The following TMEM245 variants were observed in gnomAD, a reference collection of about 807,000 sequenced individuals.
The protein encoded by TMEM245 is protein CG-2.
In TMEM245, 69 loss-of-function variants were observed where a neutral mutation model predicts 101.2. That is an observed-to-expected ratio of 0.68 (90% confidence interval 0.56 to 0.83). TMEM245 has a LOEUF of 0.83. Ranked by LOEUF, TMEM245 falls within the 40% of genes least tolerant of loss-of-function variation. TMEM245 has a pLI of 0.00. For missense variants in TMEM245, 1,075 were observed against 1,092.8 expected, an observed-to-expected ratio of 0.98 and a Z score of 0.23; for synonymous variants, 537 against 449.8, an observed-to-expected ratio of 1.19 and a Z score of -2.45.
At chr9:109,047,239 T>C (rs1828526024) in intron 14 of TMEM245, among the ~76,000 whole-genome samples, 1 of 152,228 alleles carries the variant, frequency 6.6e-6, no homozygotes. Flanking sequence ...TAAATGCCAG[T>C]ATACTATGGA....
At chr9:109,074,855 C>G (rs757306807) in intron 8 of TMEM245, among the ~76,000 whole-genome samples, 4 of 152,066 alleles carry the variant, frequency 2.6e-5, no homozygotes, top group Admixed American at 6.6e-5. Context: ...ACAAACTGCA[C>G]CAAGACGGGG....
chr9:109,034,491 G>A (rs1828060104), intron 16 of TMEM245, among the ~76,000 whole-genome samples: 1 of 152,118 alleles, frequency 6.6e-6, no homozygotes, highest in African/African-American at 2.4e-5. Context: ...CCATCACCCA[G>A]GCTGGAATGC....
intron 17 of TMEM245, among the ~76,000 whole-genome samples, chr9:109,024,950 G>A (rs1444095404): frequency 6.6e-6 from 1 of 152,188 alleles, no homozygotes; most frequent in East Asian, 1.9e-4. Flanking sequence ...GCTATACTAT[G>A]AAGAACAGAC....
intron 10 of TMEM245, among the ~76,000 whole-genome samples, chr9:109,062,612 T>G (rs1033398304): frequency 6.6e-6 from 1 of 152,228 alleles, no homozygotes; most frequent in Middle Eastern, 3.2e-3. Context: ...TGCAAACGTA[T>G]CTGTTCATAT....
chr9:109,068,632 G>A (rs527984332), intron 9 of TMEM245, among the ~76,000 whole-genome samples: 10 of 152,226 alleles, frequency 6.6e-5, no homozygotes, highest in African/African-American at 1.9e-4. Flanking sequence ...GTGAGACTCT[G>A]TGTCAAAACA....
chr9:109,108,403 T>C (rs574100211), intron 2 of TMEM245, 50 bp downstream of exon 2: 69 of 1,080,442 alleles, frequency 6.4e-5, no homozygotes, highest in Admixed American at 2.3e-4. Context: ...CAGCCTCTGC[T>C]GACCTTAGGC....
At chr9:109,040,270 C>A (rs1217529766) in intron 14 of TMEM245, among the ~76,000 whole-genome samples, 3 of 152,192 alleles carry the variant, frequency 2.0e-5, no homozygotes, top group African/African-American at 4.8e-5. Context: ...AATCCTCTTA[C>A]AATTTACCAG....
rs562243895 is a variant in TMEM245, at chr9:109,016,105, A to G, written c.*4355T>C. On this transcript the variant is annotated 3_prime_UTR_variant, in exon 18 of 18. Coordinates refer to ENST00000374586, the MANE Select transcript of TMEM245 (RefSeq NM_032012.4). ...CTTGATCAAGGGCCATGTTTCTCAA[A>G]GGACCCTGTAGTCCTTTGAGATGCT... 111 of 152,748 alleles carry G rather than the reference A, an allele frequency of 7.3e-4. 1 individual carries two copies. Among genetic ancestry groups the G allele is most frequent in the African/African-American group, 2.5e-3 (103 of 41,562 alleles). The allele number at this position is 152,748 out of a possible 1,614,324, so 9.5% of individuals were successfully genotyped here.
chr9:109,025,370 G>A (rs559386348), intron 17 of TMEM245, among the ~76,000 whole-genome samples: 2 of 152,056 alleles, frequency 1.3e-5, no homozygotes, highest in Non-Finnish European at 2.9e-5. Context: ...TGTGCCCAGC[G>A]GATACTCATT....
At chr9:109,055,615 T>C (rs1828807413) in intron 12 of TMEM245, among the ~76,000 whole-genome samples, 1 of 151,890 alleles carries the variant, frequency 6.6e-6, no homozygotes, top group Admixed American at 6.6e-5. Flanking sequence ...AAATGAAAAT[T>C]TCAATCACGG....
chr9:109,021,669 C>A (rs994590163), intron 17 of TMEM245, among the ~76,000 whole-genome samples: 39 of 152,096 alleles, frequency 2.6e-4, no homozygotes, highest in Non-Finnish European at 5.1e-4. Context: ...GAACATGACA[C>A]CACATCCGGC....
chr9:109,092,629 AC>A (rs1024009567), intron 4 of TMEM245, among the ~76,000 whole-genome samples: 22 of 152,232 alleles, frequency 1.4e-4, no homozygotes, highest in African/African-American at 5.3e-4. Flanking sequence ...TGTTCCTACT[AC>A]ACCAAATTCC....
intron 8 of TMEM245, among the ~76,000 whole-genome samples, chr9:109,079,378 G>A (rs1829604911): frequency 6.6e-6 from 1 of 151,798 alleles, no homozygotes; most frequent in Non-Finnish European, 1.5e-5. Context: ...TTCCATTTGA[G>A]CAAGCAGAAG....
intron 14 of TMEM245, among the ~76,000 whole-genome samples, chr9:109,043,792 C>T (rs1449457268): frequency 2.0e-5 from 3 of 152,110 alleles, no homozygotes; most frequent in Non-Finnish European, 2.9e-5. Flanking sequence ...CTGTCCCATA[C>T]TATATATAGA....
In TMEM245 at chr9:109,093,497, G is replaced by C. The variant is rs760131211; in HGVS notation, c.894C>G (p.Asp298Glu). The change falls in exon 4 of 18, where the codon GAC becomes GAG. Residue 298 changes from aspartate to glutamate, a missense_variant. Asp to Glu is a conservative substitution (Grantham distance 45). Transcript: ENST00000374586. ...SITGYESSSE[D>E]QPSTQPAEAV... ...CACCTGCAGGCTGAGTGGAGGGCTG[G>C]TCTTCACTGCTTGATTCATACCCTG... The C allele has an allele frequency of 1.9e-6, 3 of 1,613,782 alleles. No individual in the cohort carries two copies. The Admixed American group carries it at 5.0e-5, about 27-fold the overall frequency.
At chr9:109,020,894 T>C (rs1464052895) in intron 17 of TMEM245, among the ~76,000 whole-genome samples, 1 of 152,206 alleles carries the variant, frequency 6.6e-6, no homozygotes, top group Admixed American at 6.5e-5. Context: ...GAAAAACCAC[T>C]AAGAGACCAA....
Position 109,091,143 on chromosome 9 carries a change from CT to C in TMEM245, c.928del (p.Arg310GlyfsTer33), listed in dbSNP as rs1829994836. The C allele has an allele frequency of 1.9e-6, 3 of 1,613,134 alleles. No individual in the cohort carries two copies. Among genetic ancestry groups the C allele is most frequent in the South Asian group, 1.1e-5 (1 of 90,996 alleles). On this transcript the variant is annotated frameshift_variant, in exon 5 of 18. Transcript: ENST00000374586. LOFTEE classifies it high-confidence loss of function. ...PSTQPAEAVD[R>X]GESAPTLSTS... is the part of the protein sequence containing the mutation. ...GGACAACGTTGGAGCGGATTCTCCC[CT>C]GTCCACTGCTTCTGAAAAGGAAAAG...
At chr9:109,060,494 C>A in intron 10 of TMEM245, 42 bp from the exon 11 acceptor site, 2 of 1,395,822 alleles carry the variant, frequency 1.4e-6, no homozygotes, top group Non-Finnish European at 2.0e-6. Context: ...ATATTTCAGG[C>A]AACAACAGAG....
intron 1 of TMEM245, among the ~76,000 whole-genome samples, chr9:109,110,491 AAAGAT>A (rs1399584653): frequency 6.6e-6 from 1 of 152,154 alleles, no homozygotes; most frequent in Non-Finnish European, 1.5e-5. Context: ...CTAGAATACT[AAAGAT>A]AAGCAAAAGC....
Sources: allele counts gnomAD v4.1 joint callset (sites outside exome capture counted in the v4.1 genomes callset), GRCh38; gene constraint gnomAD v4.1.1; transcripts MANE v1.5; gene names NCBI Gene and HGNC (gene_info 2026-07-23, HGNC 2026-07-21).